Variants in D2HGDH observed in about 807,000 individuals in gnomAD.
The protein encoded by D2HGDH is D-2-hydroxyglutarate dehydrogenase.
D2HGDH carries 31 observed loss-of-function variants against 46.9 expected under a neutral mutation model. The ratio of observed to expected loss-of-function variants is 0.66; its 90% CI spans 0.50 to 0.89. The LOEUF (loss-of-function observed/expected upper bound fraction) is 0.89. D2HGDH is among the 40% of genes least tolerant of loss of function. The pLI is 0.00. For synonymous variants in D2HGDH, 364 were observed against 332.6 expected (o/e 1.09, Z -1.03); for missense variants, 698 against 720.8 (o/e 0.97, Z 0.36).
In D2HGDH at chr2:241,743,542, T is replaced by C; in HGVS notation, c.491-80T>C. 6.6e-7 allele frequency: 1 copy of C among 1,518,830 alleles called. No homozygotes were observed. The highest frequency in any genetic ancestry group is 8.9e-7 in the Non-Finnish European group (1 of 1,120,938). 94.1% of individuals were successfully genotyped at this position (1,518,830 alleles called of 1,614,324 possible). On this transcript the variant is annotated intron_variant, in intron 4 of 9. Coordinates refer to ENST00000321264, the MANE Select transcript of D2HGDH (RefSeq NM_152783.5). The surrounding 1 kb of genome is among the most constrained non-coding windows in gnomAD (Gnocchi z 4.8). ...ATGTTCCTTCTGGGTGGCTTGCCTG[T>C]GCAAGATGGGGGTTGGGACTCACCA...
At chr2:241,763,310 C>A (rs541853140) in intron 9 of D2HGDH, among the ~76,000 whole-genome samples, 1 of 152,324 alleles carries the variant, frequency 6.6e-6, no homozygotes, top group Admixed American at 6.5e-5. Flanking sequence ...AGGTGACAAA[C>A]CACAGCTGTC....
At chr2:241,763,102 G>T (rs1381880486) in intron 9 of D2HGDH, among the ~76,000 whole-genome samples, 2 of 152,214 alleles carry the variant, frequency 1.3e-5, no homozygotes, top group Non-Finnish European at 2.9e-5. Context: ...TCAGCCTTTG[G>T]GACCCGAGGC....
In D2HGDH at chr2:241,744,981, C is replaced by CT. The variant is rs567209414; in HGVS notation, c.853+104_853+105insT. ...GGAAGGGGATGGAGGGACCCCCCGC[C>CT]AAGGACAGTCGGTTCCCGTGTCTCC... is the stretch of plus-strand genomic sequence containing the variant. On this transcript the variant is annotated intron_variant, in intron 6 of 9. Transcript: ENST00000321264. 1.6e-5 allele frequency: 23 copies of CT among 1,475,166 alleles called. No homozygotes were observed. The African/African-American group carries it at 3.1e-4, about 20-fold the overall frequency. The allele number at this position is 1,475,166 out of a possible 1,614,324, so 91.4% of individuals were successfully genotyped here.
chr2:241,756,966 G>A (rs922150654), intron 9 of D2HGDH, among the ~76,000 whole-genome samples: 3 of 152,184 alleles, frequency 2.0e-5, no homozygotes, highest in Non-Finnish European at 4.4e-5. Context: ...TGGCCTGGTG[G>A]CACTGGAGTC....
intron 8 of D2HGDH, 27 bp downstream of exon 8, chr2:241,751,415 C>T (rs1474031302): frequency 6.2e-7 from 1 of 1,611,752 alleles, no homozygotes; most frequent in African/African-American, 1.3e-5. Context: ...TTGCAGGTCC[C>T]CGCTCTCTGT....
intron 9 of D2HGDH, among the ~76,000 whole-genome samples, chr2:241,756,359 T>C (rs1698179070): frequency 6.6e-6 from 1 of 152,252 alleles, no homozygotes; most frequent in African/African-American, 2.4e-5. Flanking sequence ...GGGGCTCCTC[T>C]CACAGGGCCC....
chr2:241,755,532 C>T (rs942719520), intron 8 of D2HGDH: 25 of 1,381,762 alleles, frequency 1.8e-5, no homozygotes, highest in Admixed American at 1.5e-4. Flanking sequence ...GTGTCCCAGC[C>T]GCCTGATTGC....
In D2HGDH at chr2:241,742,671, T is replaced by C. The variant is rs1254801153; in HGVS notation, c.490+97T>C. On this transcript the variant is annotated intron_variant, in intron 4 of 9. Transcript: ENST00000321264. The surrounding 1 kb of genome is among the most constrained non-coding windows in gnomAD (Gnocchi z 4.8). ...TGCAACTGTGGGGTGCTTGGGTGGGTGAATGAGTTAGGGCCGGCGCTGGGG... is the reference window on the plus strand; with the variant it reads ...TGCAACTGTGGGGTGCTTGGGTGGGCGAATGAGTTAGGGCCGGCGCTGGGG... 1 of 1,513,658 alleles carries C rather than the reference T, an allele frequency of 6.6e-7. No individual in the cohort carries two copies. The highest frequency in any genetic ancestry group is 9.2e-7 in the Non-Finnish European group (1 of 1,091,006). 93.8% of individuals were successfully genotyped at this position (1,513,658 alleles called of 1,614,324 possible). A position where few individuals can be genotyped will look rare whatever the true frequency, so the allele number is the denominator to read the frequency against.
chr2:241,739,116 C>T (rs538318534), intron 2 of D2HGDH, among the ~76,000 whole-genome samples: 8 of 152,250 alleles, frequency 5.3e-5, no homozygotes, highest in East Asian at 1.9e-4. Context: ...TGGCCCCCTC[C>T]GTCTTTGTGG....
chr2:241,740,330 G>C (rs1157224404), intron 2 of D2HGDH, among the ~76,000 whole-genome samples: 1 of 152,176 alleles, frequency 6.6e-6, no homozygotes, highest in Non-Finnish European at 1.5e-5. Flanking sequence ...ACGAAAGGAA[G>C]TGTGGTGGCG....
At chr2:241,756,395 G>A (rs967259513) in intron 9 of D2HGDH, among the ~76,000 whole-genome samples, 14 of 152,230 alleles carry the variant, frequency 9.2e-5, no homozygotes, top group African/African-American at 3.4e-4. Context: ...GCAGTGCTTA[G>A]CCCCCAGCTG....
intron 6 of D2HGDH, among the ~76,000 whole-genome samples, chr2:241,748,497 C>T (rs939731944): frequency 2.0e-5 from 3 of 152,240 alleles, no homozygotes; most frequent in African/African-American, 7.2e-5. Context: ...CGTGGCCTAG[C>T]CCATTGCTGC....
chr2:241,740,252 G>A (rs890101955), intron 2 of D2HGDH, among the ~76,000 whole-genome samples: 1 of 149,338 alleles, frequency 6.7e-6, no homozygotes, highest in Non-Finnish European at 1.5e-5. Flanking sequence ...ATGTTAATGG[G>A]TGAAGCTTGA....
At chr2:241,749,241 AC>A in intron 6 of D2HGDH, 1 of 1,180,224 alleles carries the variant, frequency 8.5e-7, no homozygotes, top group Non-Finnish European at 1.1e-6. Context: ...CTGCAGCCAC[AC>A]CCCGACATGG....
intron 6 of D2HGDH, among the ~76,000 whole-genome samples, chr2:241,745,399 C>A (rs940612439): frequency 6.6e-6 from 1 of 152,198 alleles, no homozygotes; most frequent in African/African-American, 2.4e-5. Flanking sequence ...TCCTTTCTTG[C>A]TTCATTTGAA....
intron 9 of D2HGDH, among the ~76,000 whole-genome samples, chr2:241,756,220 A>G (rs1164962061): frequency 6.6e-6 from 1 of 152,226 alleles, no homozygotes; most frequent in Admixed American, 6.5e-5. Flanking sequence ...TATTTTGGAA[A>G]AGACTGCCAT....
chr2:241,757,767 G>A (rs1698326517), intron 9 of D2HGDH, among the ~76,000 whole-genome samples: 1 of 152,042 alleles, frequency 6.6e-6, no homozygotes, highest in Non-Finnish European at 1.5e-5. Context: ...ACACCAGCCC[G>A]GCCAACATGA....
At position 241,767,996 on chromosome 2, in the gene D2HGDH, C is replaced by T. The variant is rs150707660; in HGVS notation, c.*27C>T. On this transcript the variant is annotated 3_prime_UTR_variant, in exon 10 of 10. Coordinates refer to ENST00000321264, the MANE Select transcript of D2HGDH (RefSeq NM_152783.5). ...GGCCACTCCTGCTGCTGCCAAGGCC[C>T]ACTGGGGGTCGGCGGGTGGCTCTCG... 6.9e-3 allele frequency: 10,776 copies of T among 1,565,728 alleles called. 92 individuals are homozygous for T. Among genetic ancestry groups the T allele is most frequent in the South Asian group, 0.03 (2,589 of 86,746 alleles).
chr2:241,760,084 A>G (rs980203759), intron 9 of D2HGDH, among the ~76,000 whole-genome samples: 1 of 132,656 alleles, frequency 7.5e-6, no homozygotes, highest in Admixed American at 7.5e-5. Context: ...GGCCTTCGCC[A>G]CAGCATGGGT....
Sources: allele counts gnomAD v4.1 joint callset (sites outside exome capture counted in the v4.1 genomes callset), GRCh38; gene constraint gnomAD v4.1.1; non-coding constraint Gnocchi (gnomAD v3.1); transcripts MANE v1.5; gene names NCBI Gene and HGNC (gene_info 2026-07-23, HGNC 2026-07-21).